Variants in CYP20A1 observed in about 807,000 individuals in gnomAD.
CYP20A1 encodes cytochrome P450 20A1.
CYP20A1 carries 61 observed loss-of-function variants against 61.4 expected under a neutral mutation model. The ratio of observed to expected loss-of-function variants is 0.99; its 90% CI spans 0.81 to 1.23. The LOEUF is 1.23. Ranked by LOEUF, CYP20A1 falls within the 50% of genes most tolerant of loss-of-function variation. The pLI is 0.00. For synonymous variants in CYP20A1, 193 were observed against 188.2 expected (o/e 1.03, Z -0.21); for missense variants, 530 against 542.4 (o/e 0.98, Z 0.23).
rs1020461626 is a variant in CYP20A1 at position 203,301,434 on chromosome 2, T to G, written c.*4526T>G. On this transcript the variant is annotated 3_prime_UTR_variant, in exon 13 of 13. Transcript: ENST00000356079. ...ATGCCCAGCTGTTTTTTTGTTTGCT[T>G]GTTTTTGGTTTTGTTTTTTTGAGAC... Among the ~76,000 whole-genome samples, 2 of 151,914 alleles carry G rather than the reference T, an allele frequency of 1.3e-5. No individual in the cohort carries two copies. The highest frequency in any genetic ancestry group is 4.8e-5 in the African/African-American group (2 of 41,366).
rs1234632309 is a variant in CYP20A1, at chr2:203,304,290, C to T, written c.*7382C>T. Among the ~76,000 whole-genome samples the T allele has an allele frequency of 6.6e-6, 1 of 152,156 alleles. No individual in the cohort carries two copies. The highest frequency in any genetic ancestry group is 2.4e-5 in the African/African-American group (1 of 41,440). The stretch of plus-strand genomic sequence containing the variant: ...TGGGCTCACTACAACCTCCATCTCC[C>T]CAGTTCAAGCGATTCTCCTGCCTCA... On this transcript the variant is annotated 3_prime_UTR_variant, in exon 13 of 13. Transcript: ENST00000356079.
At chr2:203,278,062 G>A (rs1273694909) in intron 6 of CYP20A1, among the ~76,000 whole-genome samples, 1 of 152,112 alleles carries the variant, frequency 6.6e-6, no homozygotes, top group Non-Finnish European at 1.5e-5. Context: ...GATTGCTTGA[G>A]CCCAGGAGTT....
At chr2:203,292,787 G>A (rs1351810039) in intron 11 of CYP20A1, among the ~76,000 whole-genome samples, 1 of 151,920 alleles carries the variant, frequency 6.6e-6, no homozygotes, top group Non-Finnish European at 1.5e-5. Context: ...TCTGTTGACT[G>A]CTTTTTCTCT....
intron 8 of CYP20A1, among the ~76,000 whole-genome samples, chr2:203,281,960 A>G (rs1428583794): frequency 6.6e-6 from 1 of 152,074 alleles, no homozygotes; most frequent in East Asian, 1.9e-4. Flanking sequence ...CTTCTTTAAC[A>G]TATAGAAATG....
chr2:203,271,082 A>ATATATATATTTTTTTT (rs1178482961), intron 5 of CYP20A1, among the ~76,000 whole-genome samples: 1 of 31,632 alleles, frequency 3.2e-5, no homozygotes, highest in African/African-American at 1.0e-4. Flanking sequence ...ATATATATAT[A>ATATATATATTTTTTTT]TTTTTTTTTT....
In CYP20A1 at chr2:203,301,093, G is replaced by A. The variant is rs750761984; in HGVS notation, c.*4185G>A. On this transcript the variant is annotated 3_prime_UTR_variant, in exon 13 of 13. Transcript: ENST00000356079. The stretch of plus-strand genomic sequence containing the variant: ...TGCCTTTAATCCCAGCTACTGGGGA[G>A]GCTGAAACAGGAGAATCGCTTGAAC... Among the ~76,000 whole-genome samples the A allele has an allele frequency of 6.6e-6, 1 of 150,822 alleles. No individual in the cohort carries two copies.
At chr2:203,239,965 G>C (rs1575154069) in intron 1 of CYP20A1, among the ~76,000 whole-genome samples, 1 of 152,060 alleles carries the variant, frequency 6.6e-6, no homozygotes, top group African/African-American at 2.4e-5. Flanking sequence ...CTGTGGTGGC[G>C]GGCGCCTGTA....
intron 1 of CYP20A1, among the ~76,000 whole-genome samples, chr2:203,243,532 C>G (rs529275056): frequency 3.3e-5 from 5 of 151,776 alleles, no homozygotes; most frequent in Admixed American, 6.6e-5. Context: ...TTACAGCACC[C>G]ACTACCACGC....
intron 3 of CYP20A1, among the ~76,000 whole-genome samples, chr2:203,249,476 T>C (rs1005065063): frequency 1.3e-5 from 2 of 152,158 alleles, no homozygotes; most frequent in Non-Finnish European, 2.9e-5. Context: ...AAAGGCACCA[T>C]GACAAAATTT....
At position 203,301,447 on chromosome 2, in the gene CYP20A1, GT is replaced by G. The variant is rs1559113245; in HGVS notation, c.*4546del. Among the ~76,000 whole-genome samples the G allele has an allele frequency of 1.3e-5, 2 of 151,522 alleles. No individual in the cohort carries two copies. Among genetic ancestry groups the G allele is most frequent in the South Asian group, 4.2e-4 (2 of 4,798 alleles). On this transcript the variant is annotated 3_prime_UTR_variant, in exon 13 of 13. Coordinates refer to ENST00000356079, the MANE Select transcript of CYP20A1 (RefSeq NM_177538.3). ...TTTTTGTTTGCTTGTTTTTGGTTTT[GT>G]TTTTTTGAGACAGGGTCTCCCTGCG...
At chr2:203,280,263 C>T in intron 8 of CYP20A1, 150 bp downstream of exon 8, 2 of 535,562 alleles carry the variant, frequency 3.7e-6, no homozygotes, top group South Asian at 3.3e-5. Flanking sequence ...AAACAGAGAC[C>T]CTCTCTACAA....
intron 9 of CYP20A1, among the ~76,000 whole-genome samples, chr2:203,289,557 TA>T (rs1432660330): frequency 6.6e-6 from 1 of 151,958 alleles, no homozygotes; most frequent in Admixed American, 6.6e-5. Flanking sequence ...ACAAATCTTA[TA>T]AAAATGTATT....
intron 3 of CYP20A1, among the ~76,000 whole-genome samples, chr2:203,250,988 C>T (rs1298095318): frequency 4.6e-5 from 6 of 131,382 alleles, no homozygotes; most frequent in Non-Finnish European, 7.7e-5. Flanking sequence ...GGCGTGAACC[C>T]GGGAGGCGGA....
chr2:203,276,962 A>G (rs1367441230), intron 6 of CYP20A1, among the ~76,000 whole-genome samples: 1 of 152,210 alleles, frequency 6.6e-6, no homozygotes, highest in Non-Finnish European at 1.5e-5. Context: ...CAAGAGATTG[A>G]AAAAGAATCA....
rs376612223 is a variant in CYP20A1 at position 203,251,971 on chromosome 2, C to A, written c.294C>A (p.Asp98Glu). ...TATTTAATTTGTCTGTTTCAGCGGA[C>A]CCTTTTGAAACCATGCTGAAGTCAT... ...KQHINPNKTS[D>E]PFETMLKSLL... The change falls in exon 4 of 13, where the codon GAC becomes GAA. Residue 98 changes from aspartate to glutamate, a missense_variant. Asp to Glu is a conservative substitution (Grantham distance 45). Transcript: ENST00000356079. 376 of 1,550,548 alleles carry A rather than the reference C, an allele frequency of 2.4e-4. 4 individuals carry two copies. The South Asian group carries it at 4.5e-3, about 19-fold the overall frequency.
In CYP20A1 at chr2:203,304,506, A is replaced by T. The variant is rs1051532769; in HGVS notation, c.*7598A>T. Among the ~76,000 whole-genome samples the T allele has an allele frequency of 6.6e-6, 1 of 152,114 alleles. No homozygotes were observed. The highest frequency in any genetic ancestry group is 6.6e-5 in the Admixed American group (1 of 15,258). On this transcript the variant is annotated 3_prime_UTR_variant, in exon 13 of 13. Coordinates refer to ENST00000356079, the MANE Select transcript of CYP20A1 (RefSeq NM_177538.3). ...GCCACAGCGCCCGGCCAAAAAAAGG[A>T]ATTTTTAAGAGGAAAAAGAATGCTA...
At chr2:203,283,848 G>A (rs1288403285) in intron 8 of CYP20A1, among the ~76,000 whole-genome samples, 1 of 152,104 alleles carries the variant, frequency 6.6e-6, no homozygotes, top group Admixed American at 6.6e-5. Flanking sequence ...CATCCGGCCT[G>A]TTATATTAAT....
chr2:203,278,722 A>G, intron 7 of CYP20A1, 34 bp downstream of exon 7: 1 of 1,243,572 alleles, frequency 8.0e-7, no homozygotes, highest in Non-Finnish European at 1.1e-6. Flanking sequence ...TCAGGTAAAA[A>G]AATAAGCCAG....
intron 8 of CYP20A1, among the ~76,000 whole-genome samples, chr2:203,285,386 A>G (rs2068222397): frequency 6.6e-6 from 1 of 152,182 alleles, no homozygotes; most frequent in Non-Finnish European, 1.5e-5. Context: ...GAAGGCATCC[A>G]GATTGCACTA....
Sources: gnomAD v4.1 joint callset for allele counts (sites outside exome capture counted in the v4.1 genomes callset) on GRCh38, gnomAD v4.1.1 for gene constraint, MANE v1.5 for transcripts, NCBI Gene and HGNC (gene_info 2026-07-23, HGNC 2026-07-21) for gene names.